The following SLC24A3 variants were observed in gnomAD, a reference collection of about 807,000 sequenced individuals.
SLC24A3 encodes the protein sodium/potassium/calcium exchanger 3.
Under a neutral mutation model 75.8 loss-of-function variants are expected in SLC24A3, and 28 were observed. That is an observed-to-expected ratio of 0.37 (90% CI 0.27 to 0.51). The LOEUF (loss-of-function observed/expected upper bound fraction) is 0.51. Among genes scored for constraint, SLC24A3 ranks in the 20% least tolerant of loss-of-function variants. SLC24A3 has a pLI of 0.94. For missense variants in SLC24A3, 663 were observed against 847.8 expected (o/e 0.78, Z 2.71); for synonymous variants, 372 against 334.1 (o/e 1.11, Z -1.24).
chr20:19,722,223 G>T lies in SLC24A3; in HGVS notation c.*1083G>T, dbSNP rs1054102669. On this transcript the variant is annotated 3_prime_UTR_variant, in exon 17 of 17. Transcript: ENST00000328041. Reference sequence around the variant, plus strand: ...GGAGAGAAGCGCACTTTGCACAGACGTCGTCAATTAAGTCCCAATTTGCCA... The same window carrying T: ...GGAGAGAAGCGCACTTTGCACAGACTTCGTCAATTAAGTCCCAATTTGCCA... 6.5e-6 allele frequency: 1 copy of T among 152,694 alleles called. No homozygotes were observed. Among genetic ancestry groups the T allele is most frequent in the Non-Finnish European group, 1.5e-5 (1 of 68,078 alleles). The allele number at this position is 152,694 out of a possible 1,614,324, so 9.5% of individuals were successfully genotyped here.
chr20:19,346,157 G>GGT (rs1278038856), intron 2 of SLC24A3, among the ~76,000 whole-genome samples: 3 of 45,918 alleles, frequency 6.5e-5, no homozygotes, highest in Non-Finnish European at 1.1e-4. Context: ...ATATATATAT[G>GGT]GTGTATATAT....
intron 16 of SLC24A3, among the ~76,000 whole-genome samples, chr20:19,718,044 A>T (rs1482983565): frequency 6.6e-6 from 1 of 152,338 alleles, no homozygotes; most frequent in East Asian, 1.9e-4. Flanking sequence ...TAATATTCCC[A>T]ACTCAACTGT....
intron 2 of SLC24A3, among the ~76,000 whole-genome samples, chr20:19,346,975 G>T (rs1281421299): frequency 1.3e-5 from 2 of 152,164 alleles, no homozygotes; most frequent in African/African-American, 4.8e-5. Flanking sequence ...ACCAAGATGT[G>T]CTTCAACAGA....
chr20:19,580,950 A>C lies in SLC24A3; in HGVS notation c.423+876A>C, dbSNP rs143763868. 7.2e-5 allele frequency among the ~76,000 whole-genome samples: 11 copies of C among 152,160 alleles called. No homozygotes were observed. In the East Asian group the frequency reaches 1.9e-3, roughly 27 times the overall value. The stretch of plus-strand genomic sequence containing the variant: ...TCTTGGGAGAGTGGGAGGGGGTAGA[A>C]TTTGCATTTCTAATACGTTTTTCAG... On this transcript the variant is annotated intron_variant, in intron 4 of 16. Coordinates refer to ENST00000328041, the MANE Select transcript of SLC24A3 (RefSeq NM_020689.4).
intron 15 of SLC24A3, among the ~76,000 whole-genome samples, chr20:19,705,837 G>A (rs1568705595): frequency 1.3e-5 from 2 of 152,180 alleles, no homozygotes; most frequent in Non-Finnish European, 2.9e-5. Flanking sequence ...TACAGATTTT[G>A]ACATTTCTTA....
At chr20:19,398,424 A>G (rs1986494583) in intron 2 of SLC24A3, among the ~76,000 whole-genome samples, 1 of 152,164 alleles carries the variant, frequency 6.6e-6, no homozygotes, top group Non-Finnish European at 1.5e-5. Context: ...TTTGACGTTA[A>G]AAAGTGTGTT....
intron 2 of SLC24A3, among the ~76,000 whole-genome samples, chr20:19,346,536 T>C (rs1242276975): frequency 6.6e-6 from 1 of 151,744 alleles, no homozygotes; most frequent in South Asian, 2.1e-4. Flanking sequence ...ATAATGGTAT[T>C]AGCTGCAACC....
chr20:19,224,943 G>A (rs555726539), intron 1 of SLC24A3, among the ~76,000 whole-genome samples: 1 of 152,316 alleles, frequency 6.6e-6, no homozygotes, highest in Non-Finnish European at 1.5e-5. Context: ...GGCATTTAGT[G>A]TAGTTAGTAC....
intron 6 of SLC24A3, among the ~76,000 whole-genome samples, chr20:19,589,519 A>T (rs1046455782): frequency 2.0e-4 from 31 of 152,166 alleles, no homozygotes; most frequent in African/African-American, 7.2e-4. Flanking sequence ...AAAGGTGGGG[A>T]AATATGAGTG....
At chr20:19,689,708 A>C (rs1385974153) in intron 12 of SLC24A3, among the ~76,000 whole-genome samples, 1 of 152,208 alleles carries the variant, frequency 6.6e-6, no homozygotes, top group Non-Finnish European at 1.5e-5. Context: ...GAGGAAAGGA[A>C]ACCTTTTTAA....
At chr20:19,242,457 C>T (rs1045170301) in intron 1 of SLC24A3, 1 of 152,140 alleles carries the variant, frequency 6.6e-6, no homozygotes, top group African/African-American at 2.4e-5. Flanking sequence ...TTACTCTTTT[C>T]CCAAGACTGT....
At chr20:19,219,415 T>C (rs1981648710) in intron 1 of SLC24A3, among the ~76,000 whole-genome samples, 1 of 152,176 alleles carries the variant, frequency 6.6e-6, no homozygotes, top group Non-Finnish European at 1.5e-5. Context: ...GGCTCTTTGC[T>C]AGTTGCTAGG....
At chr20:19,271,304 C>A (rs1280541216) in intron 1 of SLC24A3, among the ~76,000 whole-genome samples, 3 of 150,440 alleles carry the variant, frequency 2.0e-5, no homozygotes, top group African/African-American at 4.9e-5. Flanking sequence ...CTTACTCCTG[C>A]AAGAATGGCC....
chr20:19,268,546 G>T (rs1274110737), intron 1 of SLC24A3, among the ~76,000 whole-genome samples: 2 of 152,146 alleles, frequency 1.3e-5, no homozygotes, highest in African/African-American at 4.8e-5. Flanking sequence ...TGGTAATCGG[G>T]CTAAAGTGAT....
chr20:19,485,534 G>A (rs111773566), intron 2 of SLC24A3, among the ~76,000 whole-genome samples: 19 of 152,318 alleles, frequency 1.2e-4, no homozygotes, highest in East Asian at 5.8e-4. Flanking sequence ...GGAGTTGGGC[G>A]ACTGGGGACT....
chr20:19,338,612 G>A (rs1985193331), intron 2 of SLC24A3, among the ~76,000 whole-genome samples: 1 of 152,210 alleles, frequency 6.6e-6, no homozygotes, highest in South Asian at 2.1e-4. Flanking sequence ...ATGAACTGTT[G>A]AGATGTATGA....
chr20:19,533,706 G>T (rs1600269576), intron 3 of SLC24A3, among the ~76,000 whole-genome samples: 1 of 152,160 alleles, frequency 6.6e-6, no homozygotes, highest in African/African-American at 2.4e-5. Flanking sequence ...GATCTTTGAG[G>T]GTCTCCAGTG....
intron 2 of SLC24A3, among the ~76,000 whole-genome samples, chr20:19,285,552 ATT>A (rs11087278): frequency 2.0e-4 from 26 of 130,062 alleles, no homozygotes; most frequent in East Asian, 1.6e-3. Context: ...GAAATTTGTG[ATT>A]TTTTTTTTTT....
intron 2 of SLC24A3, among the ~76,000 whole-genome samples, chr20:19,401,784 G>C (rs1986556121): frequency 6.6e-6 from 1 of 152,206 alleles, no homozygotes; most frequent in Non-Finnish European, 1.5e-5. Context: ...CCTCTCAAAT[G>C]ATGACTGCGG....
Sources: gnomAD v4.1 joint callset for allele counts (sites outside exome capture counted in the v4.1 genomes callset) on GRCh38, gnomAD v4.1.1 for gene constraint, MANE v1.5 for transcripts, NCBI Gene and HGNC (gene_info 2026-07-23, HGNC 2026-07-21) for gene names.